The following SH3PXD2B variants were observed in gnomAD, a reference collection of about 807,000 sequenced individuals.
SH3PXD2B encodes the protein SH3 and PX domains 2B.
Under a neutral mutation model 73.1 loss-of-function variants are expected in SH3PXD2B, and 37 were observed. That is an observed-to-expected ratio of 0.51 (90% CI 0.39 to 0.67). The LOEUF (loss-of-function observed/expected upper bound fraction) is 0.67, where lower values mean the gene tolerates loss of function less well. Ranked by LOEUF, SH3PXD2B falls within the 30% of genes least tolerant of loss-of-function variation. SH3PXD2B has a pLI of 0.00. For missense variants in SH3PXD2B, 1,053 were observed against 1,197.8 expected, an observed-to-expected ratio of 0.88 and a Z score of 1.78; for synonymous variants, 457 against 480.5, an observed-to-expected ratio of 0.95 and a Z score of 0.64.
Position 172,359,387 on chromosome 5 carries a change from C to CAAAAA in SH3PXD2B, c.563-515_563-511dup, listed in dbSNP as rs70982393. Reference sequence around the variant, plus strand: ...GGGCGACAGAGTGAGACCCCCATCTCAAAAAAAAAAAAAAAAAAAAGTATA... The same window carrying CAAAAA: ...GGGCGACAGAGTGAGACCCCCATCTCAAAAAAAAAAAAAAAAAAAAAAAAAGTATA... On this transcript the variant is annotated intron_variant, in intron 7 of 12. Transcript: ENST00000311601. Among the ~76,000 whole-genome samples, 179 of 84,072 alleles carry CAAAAA rather than the reference C, an allele frequency of 2.1e-3. 11 individuals carry two copies. Among genetic ancestry groups the CAAAAA allele is most frequent in the African/African-American group, 7.9e-3 (163 of 20,756 alleles). The allele number at this position is 84,072 out of a possible 152,430, so 55.2% of individuals were successfully genotyped here. A position where few individuals can be genotyped will look rare whatever the true frequency, so the allele number is the denominator to read the frequency against.
chr5:172,443,639 A>G (rs937674462), intron 1 of SH3PXD2B, among the ~76,000 whole-genome samples: 5 of 152,344 alleles, frequency 3.3e-5, no homozygotes, highest in African/African-American at 1.2e-4. Flanking sequence ...GGCCCAGGGC[A>G]GACAATAAAC....
At chr5:172,406,132 G>C in intron 3 of SH3PXD2B, 145 bp downstream of exon 3, 2 of 987,692 alleles carry the variant, frequency 2.0e-6, no homozygotes, top group Non-Finnish European at 3.0e-6. Context: ...GCATAAATGG[G>C]TTAATTTCTA....
In SH3PXD2B at chr5:172,336,635, G is replaced by T; in HGVS notation, c.*1734C>A. On this transcript the variant is annotated 3_prime_UTR_variant, in exon 13 of 13. Coordinates refer to ENST00000311601, the MANE Select transcript of SH3PXD2B (RefSeq NM_001017995.3). ...TCCCCCCAAAAAACTGGCTTTGTGGGTCCAAAAGTATCTCGCCTGATGAAC... is the reference window on the plus strand; with the variant it reads ...TCCCCCCAAAAAACTGGCTTTGTGGTTCCAAAAGTATCTCGCCTGATGAAC... 2.0e-6 allele frequency: 2 copies of T among 979,812 alleles called. No individual in the cohort carries two copies. Among genetic ancestry groups the T allele is most frequent in the Non-Finnish European group, 2.4e-6 (2 of 828,716 alleles). 60.7% of individuals were successfully genotyped at this position (979,812 alleles called of 1,614,324 possible). A position where few individuals can be genotyped will look rare whatever the true frequency, so the allele number is the denominator to read the frequency against.
intron 6 of SH3PXD2B, among the ~76,000 whole-genome samples, chr5:172,371,732 C>T (rs1377025834): frequency 5.9e-5 from 9 of 152,196 alleles, no homozygotes; most frequent in Non-Finnish European, 1.2e-4. Flanking sequence ...AAGCCCGTTC[C>T]GACTGGACAT....
chr5:172,348,711 T>TATCTATCTATCTATCTATCTATC (rs1561896964), intron 10 of SH3PXD2B, among the ~76,000 whole-genome samples: 1 of 36,958 alleles, frequency 2.7e-5, no homozygotes, highest in African/African-American at 6.0e-5. Flanking sequence ...ATCTATCTAT[T>TATCTATCTATCTATCTATCTATC]TATTTATTTT....
chr5:172,362,942 C>T (rs772724728), intron 6 of SH3PXD2B, 73 bp from the exon 7 acceptor site: 46 of 1,597,848 alleles, frequency 2.9e-5, no homozygotes, highest in African/African-American at 2.1e-4. Flanking sequence ...AGCAGTAGGG[C>T]GGGTCAAGAG....
Position 172,349,850 on chromosome 5 carries a change from C to T in SH3PXD2B, c.1012+513G>A, listed in dbSNP as rs1297405481. Reference sequence around the variant, plus strand: ...CTGGGATGGGAAAGCAACGCCTCCCCTTTTTTTTTCTTTTTTTAAATGGAG... The same window carrying T: ...CTGGGATGGGAAAGCAACGCCTCCCTTTTTTTTTTCTTTTTTTAAATGGAG... On this transcript the variant is annotated intron_variant, in intron 10 of 12. Coordinates refer to ENST00000311601, the MANE Select transcript of SH3PXD2B (RefSeq NM_001017995.3). 2.6e-5 allele frequency among the ~76,000 whole-genome samples: 4 copies of T among 151,168 alleles called. No individual in the cohort carries two copies. The South Asian group carries it at 6.3e-4, about 24-fold the overall frequency.
downstream of SH3PXD2B, among the ~76,000 whole-genome samples, chr5:172,329,695 G>A (rs1343199331): frequency 1.3e-5 from 2 of 151,928 alleles, no homozygotes; most frequent in East Asian, 1.9e-4. Flanking sequence ...CCGCCACCAC[G>A]CCCGGCTAAT....
intron 2 of SH3PXD2B, among the ~76,000 whole-genome samples, chr5:172,414,549 G>A (rs1444303468): frequency 4.6e-5 from 7 of 151,926 alleles, no homozygotes; most frequent in Admixed American, 1.3e-4. Flanking sequence ...GCATGACTTG[G>A]GACAGTCTCT....
At position 172,454,459 on chromosome 5, in the gene SH3PXD2B, A is replaced by C; in HGVS notation, c.-107T>G. The C allele has an allele frequency of 1.8e-6, 1 of 556,460 alleles. No homozygotes were observed. Among genetic ancestry groups the C allele is most frequent in the Non-Finnish European group, 2.4e-6 (1 of 417,324 alleles). The allele number at this position is 556,460 out of a possible 1,614,324, so 34.5% of individuals were successfully genotyped here. ...GGCAGGGAACCTGGAGCTGAGCGCA[A>C]TCGCAGCCGGGGCCGAGCACGAGCC... On this transcript the variant is annotated 5_prime_UTR_variant, in exon 1 of 13. Coordinates refer to ENST00000311601, the MANE Select transcript of SH3PXD2B (RefSeq NM_001017995.3).
intron 9 of SH3PXD2B, among the ~76,000 whole-genome samples, chr5:172,350,843 A>G (rs976300282): frequency 2.0e-5 from 3 of 152,208 alleles, no homozygotes; most frequent in African/African-American, 4.8e-5. Context: ...CCACCCAGCC[A>G]GCAGGGCACC....
chr5:172,339,349 T>C lies in SH3PXD2B; in HGVS notation c.1756A>G (p.Arg586Gly), dbSNP rs1222205001. The change falls in exon 13 of 13, where the codon AGA becomes GGA. Residue 586 changes from arginine to glycine, a missense_variant. Around this residue, in one of 2 missense-constraint regions of SH3PXD2B, gnomAD observed 587 missense variants for 590.7 expected, o/e 0.99. Transcript: ENST00000311601. This position sits in a 1 kb window ranked among gnomAD's most constrained non-coding sequence, Gnocchi z 6.1. ...RRPEPKPDKS[R>G]LFQLKNDMGL... ...ATGTCATTTTTCAGCTGGAACAGTC[T>C]GCTTTTGTCAGGTTTGGGCTCTGGC... 2 of 1,614,196 alleles carry C rather than the reference T, an allele frequency of 1.2e-6. No homozygotes were observed. The highest frequency in any genetic ancestry group is 1.1e-5 in the South Asian group (1 of 91,084).
intron 1 of SH3PXD2B, among the ~76,000 whole-genome samples, chr5:172,424,369 G>A (rs868090161): frequency 1.1e-4 from 17 of 152,306 alleles, no homozygotes; most frequent in South Asian, 4.1e-4. Context: ...GGGTAGAGGG[G>A]AATGAGGGTA....
At chr5:172,348,675 CTAT>C (rs1333096466) in intron 10 of SH3PXD2B, among the ~76,000 whole-genome samples, 160 of 56,706 alleles carry the variant, frequency 2.8e-3, no homozygotes, top group East Asian at 7.7e-3. Context: ...ATCTATCTAT[CTAT>C]CTATCTATCT....
In SH3PXD2B at chr5:172,337,673, G is replaced by A. The variant is rs1256290966; in HGVS notation, c.*696C>T. 11 of 987,290 alleles carry A rather than the reference G, an allele frequency of 1.1e-5. No homozygotes were observed. The highest frequency in any genetic ancestry group is 7.0e-5 in the African/African-American group (4 of 57,234). The allele number at this position is 987,290 out of a possible 1,614,324, so 61.2% of individuals were successfully genotyped here. ...TGCAGCAGCAAAGCGCAGCATACGC[G>A]GGGCTGGAACCACCCTTCAGGGCTG... is the stretch of plus-strand genomic sequence containing the variant. On this transcript the variant is annotated 3_prime_UTR_variant, in exon 13 of 13. Coordinates refer to ENST00000311601, the MANE Select transcript of SH3PXD2B (RefSeq NM_001017995.3).
In SH3PXD2B at chr5:172,341,950, C is replaced by T. The variant is rs542147221; in HGVS notation, c.1189-2034G>A. On this transcript the variant is annotated intron_variant, in intron 12 of 12. Transcript: ENST00000311601. ...GGGATTATAGGCATGAGTCACCGTGCCCAGCCAGGTATTTCTTTATAGCAA... is the reference window on the plus strand; with the variant it reads ...GGGATTATAGGCATGAGTCACCGTGTCCAGCCAGGTATTTCTTTATAGCAA... Among the ~76,000 whole-genome samples, 18 of 152,252 alleles carry T rather than the reference C, an allele frequency of 1.2e-4. No homozygotes were observed. In the South Asian group the frequency reaches 3.7e-3, roughly 32 times the overall value.
At chr5:172,384,081 G>A (rs1218605523) in intron 4 of SH3PXD2B, among the ~76,000 whole-genome samples, 9 of 151,886 alleles carry the variant, frequency 5.9e-5, no homozygotes, top group Admixed American at 1.3e-4. Flanking sequence ...TCCTGACCTC[G>A]TGATCCACCC....
rs1361605982 is a variant in SH3PXD2B at position 172,337,512 on chromosome 5, T to A, written c.*857A>T. On this transcript the variant is annotated 3_prime_UTR_variant, in exon 13 of 13. Transcript: ENST00000311601. ...ACCCACGAGGCACTCAGCAAAGGGG[T>A]GCTCACAAGGGCACGACTTGTGAAT... 1 of 985,306 alleles carries A rather than the reference T, an allele frequency of 1.0e-6. No homozygotes were observed. Among genetic ancestry groups the A allele is most frequent in the Non-Finnish European group, 1.2e-6 (1 of 829,966 alleles). The allele number at this position is 985,306 out of a possible 1,614,324, so 61.0% of individuals were successfully genotyped here.
downstream of SH3PXD2B, among the ~76,000 whole-genome samples, chr5:172,333,322 G>C (rs1341364769): frequency 6.6e-6 from 1 of 152,118 alleles, no homozygotes; most frequent in African/African-American, 2.4e-5. Flanking sequence ...CCCTTGGTTT[G>C]TGGACATTGT....
Sources: gnomAD v4.1 joint callset for allele counts (sites outside exome capture counted in the v4.1 genomes callset) on GRCh38, gnomAD v4.1.1 for gene constraint, gnomAD v4.1.1 regional missense constraint, Gnocchi (gnomAD v3.1) non-coding constraint, MANE v1.5 for transcripts, NCBI Gene and HGNC (gene_info 2026-07-23, HGNC 2026-07-21) for gene names.